Variants in PDE4D observed in about 807,000 individuals in gnomAD.
PDE4D encodes the protein 3',5'-cyclic-AMP phosphodiesterase 4D.
In PDE4D, 24 loss-of-function variants were observed where a neutral mutation model predicts 87.4. The ratio of observed to expected loss-of-function variants is 0.27; its 90% CI spans 0.20 to 0.39. The LOEUF (loss-of-function observed/expected upper bound fraction) is 0.39, where lower values mean the gene tolerates loss of function less well. Among genes scored for constraint, PDE4D ranks in the 10% least tolerant of loss-of-function variants. The probability of loss-of-function intolerance (pLI) is 1.00; values close to 1 mark genes in which losing one functional copy is unlikely to be tolerated. For missense variants in PDE4D, 714 were observed against 1,041.0 expected (o/e 0.69, Z 4.32); for synonymous variants, 384 against 383.2 (o/e 1.00, Z -0.02).
intron 1 of PDE4D, among the ~76,000 whole-genome samples, chr5:59,221,303 C>T (rs958087547): frequency 1.3e-5 from 2 of 152,282 alleles, no homozygotes; most frequent in East Asian, 3.9e-4. Flanking sequence ...GATTAACTTA[C>T]AGGTGACGCA....
rs140853344 is a variant in PDE4D, at chr5:59,064,182, CAA to C, written c.809-25213_809-25212del. 3.4e-3 allele frequency among the ~76,000 whole-genome samples: 514 copies of C among 152,100 alleles called. 3 individuals carry two copies. The East Asian group carries it at 0.045, about 13-fold the overall frequency. On this transcript the variant is annotated intron_variant, in intron 5 of 14. Coordinates refer to ENST00000340635, the MANE Select transcript of PDE4D (RefSeq NM_001104631.2). The stretch of plus-strand genomic sequence containing the variant: ...AGGGAGAGAGAGACAAAGACACTGA[CAA>C]AGTCTGGAAAAAGACACAAATTCAG...
intron 1 of PDE4D, among the ~76,000 whole-genome samples, chr5:60,289,123 A>G (rs1752670808): frequency 6.6e-6 from 1 of 152,182 alleles, no homozygotes; most frequent in Admixed American, 6.6e-5. Flanking sequence ...AAAGCAGATA[A>G]TCTGAGAATC....
intron 1 of PDE4D, among the ~76,000 whole-genome samples, chr5:59,677,075 C>G (rs1187742133): frequency 6.6e-6 from 1 of 151,734 alleles, no homozygotes; most frequent in Non-Finnish European, 1.5e-5. Context: ...GAAAAAACAG[C>G]CCTATCTCCA....
chr5:59,546,709 C>T lies in PDE4D; in HGVS notation c.456-330741G>A, dbSNP rs145451276. 2.2e-4 allele frequency among the ~76,000 whole-genome samples: 33 copies of T among 152,220 alleles called. 1 individual carries two copies. Among genetic ancestry groups the T allele is most frequent in the Middle Eastern group, 3.4e-3 (1 of 294 alleles). ...AACTTCAGAGAACTGAAGGAAAAGA[C>T]GAACTACCAGAATATTGTGGCTTCA... On this transcript the variant is annotated intron_variant, in intron 1 of 14. Transcript: ENST00000340635.
At chr5:60,303,250 G>A (rs1754088094) in intron 1 of PDE4D, among the ~76,000 whole-genome samples, 3 of 150,810 alleles carry the variant, frequency 2.0e-5, no homozygotes, top group Admixed American at 2.0e-4. Context: ...TTACCCAAGA[G>A]TCATTCAGGA....
intron 1 of PDE4D, among the ~76,000 whole-genome samples, chr5:59,716,553 CCT>C (rs1755059323): frequency 6.6e-6 from 1 of 152,156 alleles, no homozygotes; most frequent in African/African-American, 2.4e-5. Context: ...AGTTGGTAAT[CCT>C]CTTACTTTAA....
intron 1 of PDE4D, among the ~76,000 whole-genome samples, chr5:59,830,033 C>A (rs1740947015): frequency 6.6e-6 from 1 of 152,034 alleles, no homozygotes. Flanking sequence ...GCATGCTTGT[C>A]CCTATTTAGT....
intron 1 of PDE4D, among the ~76,000 whole-genome samples, chr5:59,872,750 A>G (rs1748009210): frequency 6.6e-6 from 1 of 152,230 alleles, no homozygotes; most frequent in South Asian, 2.1e-4. Context: ...CCTAGAAGCT[A>G]GAGAACAAAG....
intron 3 of PDE4D, among the ~76,000 whole-genome samples, chr5:59,980,751 A>T (rs903534823): frequency 2.6e-5 from 4 of 152,198 alleles, no homozygotes; most frequent in Admixed American, 2.6e-4. Flanking sequence ...TTTAATCATG[A>T]TCATATTATT....
intron 1 of PDE4D, among the ~76,000 whole-genome samples, chr5:59,734,578 G>GT (rs1307274444): frequency 6.6e-6 from 1 of 151,950 alleles, no homozygotes; most frequent in Non-Finnish European, 1.5e-5. Context: ...AGTAAAGTGG[G>GT]TTTTTTTGGC....
At chr5:59,919,791 T>C (rs770497081) in intron 3 of PDE4D, among the ~76,000 whole-genome samples, 22 of 152,326 alleles carry the variant, frequency 1.4e-4, no homozygotes, top group Non-Finnish European at 2.5e-4. Context: ...AAATTGGTTT[T>C]ACATGTATAT....
intron 1 of PDE4D, among the ~76,000 whole-genome samples, chr5:59,795,153 A>ACACAGTG (rs1766315875): frequency 6.6e-6 from 1 of 152,244 alleles, no homozygotes. Context: ...CACAGAGGGT[A>ACACAGTG]AAGTCAATGG....
At chr5:59,502,682 G>A (rs1490106518) in intron 1 of PDE4D, among the ~76,000 whole-genome samples, 1 of 150,888 alleles carries the variant, frequency 6.6e-6, no homozygotes, top group Non-Finnish European at 1.5e-5. Context: ...GTGTGTGTGT[G>A]TGTGTGTGTG....
chr5:60,439,811 C>A (rs1317944948), intron 1 of PDE4D, among the ~76,000 whole-genome samples: 1 of 151,952 alleles, frequency 6.6e-6, no homozygotes, highest in African/African-American at 2.4e-5. Context: ...TGCTTTCACT[C>A]ATCTTCCCAC....
intron 1 of PDE4D, among the ~76,000 whole-genome samples, chr5:60,479,396 T>C (rs1363237659): frequency 6.6e-6 from 1 of 152,178 alleles, no homozygotes; most frequent in Non-Finnish European, 1.5e-5. Flanking sequence ...CCTCTTAATA[T>C]TCACAATGTG....
intron 3 of PDE4D, among the ~76,000 whole-genome samples, chr5:59,962,364 G>A (rs1171368537): frequency 6.6e-6 from 1 of 151,984 alleles, no homozygotes; most frequent in Non-Finnish European, 1.5e-5. Context: ...GATATAAAAT[G>A]TTGACATTGA....
At position 59,535,086 on chromosome 5, in the gene PDE4D, G is replaced by A. The variant is rs959604421; in HGVS notation, c.456-319118C>T. Among the ~76,000 whole-genome samples the A allele has an allele frequency of 4.4e-5, 6 of 135,822 alleles. No homozygotes were observed. The South Asian group carries it at 1.3e-3, about 30-fold the overall frequency. The allele number at this position is 135,822 out of a possible 152,430, so 89.1% of individuals were successfully genotyped here. A position where few individuals can be genotyped will look rare whatever the true frequency, so the allele number is the denominator to read the frequency against. On this transcript the variant is annotated intron_variant, in intron 1 of 14. Coordinates refer to ENST00000340635, the MANE Select transcript of PDE4D (RefSeq NM_001104631.2). ...GTGTGTGTGTGTGTGTGGGGGGGGG[G>A]TCCTCTATCATGTATCTAGCTGATT...
chr5:59,847,775 C>G (rs1001429924), intron 1 of PDE4D, among the ~76,000 whole-genome samples: 4 of 152,054 alleles, frequency 2.6e-5, no homozygotes, highest in African/African-American at 4.8e-5. Flanking sequence ...CTCTGAAAGT[C>G]CTGCCTGAAA....
intron 6 of PDE4D, chr5:58,999,777 T>C (rs1241803537): frequency 2.9e-6 from 3 of 1,020,910 alleles, no homozygotes; most frequent in Admixed American, 5.7e-5. Context: ...TCAGCAACTA[T>C]TCTGAATAAA....
Sources: gnomAD v4.1 joint callset for allele counts (sites outside exome capture counted in the v4.1 genomes callset) on GRCh38, gnomAD v4.1.1 for gene constraint, MANE v1.5 for transcripts, NCBI Gene and HGNC (gene_info 2026-07-23, HGNC 2026-07-21) for gene names.